Variants in HPS4 observed in about 807,000 individuals in gnomAD.
The protein encoded by HPS4 is HPS4 biogenesis of lysosomal organelles complex 3 subunit 2, also known as BLOC-3 complex member HPS4.
A neutral mutation model predicts 70.3 loss-of-function variants in HPS4; 44 were observed. That is an observed-to-expected ratio of 0.63 (90% confidence interval 0.49 to 0.80). HPS4 has a LOEUF of 0.80. Ranked by LOEUF, HPS4 falls within the 30% of genes least tolerant of loss-of-function variation. HPS4 has a pLI of 0.00. For synonymous variants in HPS4, 377 were observed against 355.9 expected, an observed-to-expected ratio of 1.06 and a Z score of -0.67; for missense variants, 873 against 884.4, an observed-to-expected ratio of 0.99 and a Z score of 0.16.
rs1254055271 is a variant in HPS4, at chr22:26,477,276, T to C, written c.133-140A>G. On this transcript the variant is annotated intron_variant, in intron 3 of 13. Transcript: ENST00000398145. ...TGGCCTGTAAGCTAAGAATGGTTCT[T>C]ATACTTTTTAAAGGTTACAACAAAG... The C allele has an allele frequency of 6.3e-5, 53 of 839,368 alleles. 1 individual carries two copies. The highest frequency in any genetic ancestry group is 2.2e-4 in the Middle Eastern group (1 of 4,512). The allele number at this position is 839,368 out of a possible 1,614,324, so 52.0% of individuals were successfully genotyped here.
Position 26,468,624 on chromosome 22 carries a change from C to T in HPS4, c.597-1G>A. ...GGGCGGGAGTTGGGTGCTGACAATC[C>T]TAGGAGGTCACACACAGAACAAGAA... On this transcript the variant is annotated splice_acceptor_variant, in intron 7 of 13. Coordinates refer to ENST00000398145, the MANE Select transcript of HPS4 (RefSeq NM_022081.6). LOFTEE classifies it high-confidence loss of function. 6.2e-7 allele frequency: 1 copy of T among 1,613,642 alleles called. No homozygotes were observed. Among genetic ancestry groups the T allele is most frequent in the Non-Finnish European group, 8.5e-7 (1 of 1,179,722 alleles).
chr22:26,449,796 T>C, downstream of HPS4, among the ~76,000 whole-genome samples: 1 of 152,198 alleles, frequency 6.6e-6, no homozygotes, highest in East Asian at 1.9e-4. Context: ...ATTTGTTTCC[T>C]CTGGCTGCTG....
intron 8 of HPS4, 54 bp downstream of exon 8, chr22:26,468,497 G>T: frequency 6.7e-7 from 1 of 1,493,374 alleles, no homozygotes; most frequent in Non-Finnish European, 9.3e-7. Context: ...CTCAGGCTCA[G>T]TGACCAGTGC....
chr22:26,459,879 G>A (rs940246461), intron 11 of HPS4, among the ~76,000 whole-genome samples: 1 of 152,166 alleles, frequency 6.6e-6, no homozygotes, highest in Non-Finnish European at 1.5e-5. Context: ...AAAAGAAATG[G>A]TGTCTCTTTA....
chr22:26,457,210 C>CTTT (rs1555889771), intron 13 of HPS4, among the ~76,000 whole-genome samples: 2 of 25,552 alleles, frequency 7.8e-5, no homozygotes, highest in Non-Finnish European at 1.3e-4. Context: ...GCACGTATTA[C>CTTT]TTTTTTTTTT....
intron 4 of HPS4, among the ~76,000 whole-genome samples, chr22:26,473,411 C>T (rs1025807363): frequency 3.9e-5 from 6 of 152,206 alleles, no homozygotes; most frequent in African/African-American, 1.4e-4. Context: ...AGAGCAAGAA[C>T]TGACCGCAAT....
intron 11 of HPS4, among the ~76,000 whole-genome samples, chr22:26,462,482 G>T (rs925176446): frequency 2.6e-5 from 4 of 152,220 alleles, no homozygotes; most frequent in African/African-American, 7.2e-5. Flanking sequence ...TGGTAAAATG[G>T]GAGTTACAAT....
chr22:26,471,601 T>A (rs2089816572), intron 6 of HPS4, among the ~76,000 whole-genome samples: 1 of 152,182 alleles, frequency 6.6e-6, no homozygotes, highest in South Asian at 2.1e-4. Flanking sequence ...TCTATAAAGC[T>A]CTGGGGCCAG....
chr22:26,451,997 CGCGCG>C lies in HPS4; in HGVS notation c.*1231_*1235del, dbSNP rs2085281258. ...GATGCGCCCACGTTACGCGCGCGCG[CGCGCG>C]CGCACACACACACACACACACACAC... On this transcript the variant is annotated 3_prime_UTR_variant, in exon 14 of 14. Coordinates refer to ENST00000398145, the MANE Select transcript of HPS4 (RefSeq NM_022081.6). 3.2e-5 allele frequency: 1 copy of C among 31,170 alleles called. No homozygotes were observed. Among genetic ancestry groups the C allele is most frequent in the Non-Finnish European group, 6.5e-5 (1 of 15,306 alleles). 1.9% of individuals were successfully genotyped at this position (31,170 alleles called of 1,614,324 possible). A position where few individuals can be genotyped will look rare whatever the true frequency, so the allele number is the denominator to read the frequency against.
At chr22:26,458,811 ACT>A (rs1452352005) in intron 11 of HPS4, among the ~76,000 whole-genome samples, 1 of 147,400 alleles carries the variant, frequency 6.8e-6, no homozygotes, top group Non-Finnish European at 1.5e-5. Context: ...ATAGAGTGAG[ACT>A]CTGTCTCGAA....
At chr22:26,450,864 G>A (rs2085131227), downstream of HPS4, among the ~76,000 whole-genome samples, 1 of 152,224 alleles carries the variant, frequency 6.6e-6, no homozygotes, top group African/African-American at 2.4e-5. Context: ...CTGCAGAACT[G>A]TGAGTCAGTT....
chr22:26,474,515 A>T lies in HPS4; in HGVS notation c.277-1576T>A, dbSNP rs539865371. 2.2e-3 allele frequency among the ~76,000 whole-genome samples: 331 copies of T among 152,330 alleles called. 1 individual carries two copies. The highest frequency in any genetic ancestry group is 7.2e-3 in the African/African-American group (300 of 41,596). On this transcript the variant is annotated intron_variant, in intron 4 of 13. Coordinates refer to ENST00000398145, the MANE Select transcript of HPS4 (RefSeq NM_022081.6). ...ATAAAAAAGGGAGACTATCTCCTCC[A>T]ATGGAGTAGGCAGTGGTTTTTTTCA...
At chr22:26,449,295 T>G (rs1171888862), downstream of HPS4, among the ~76,000 whole-genome samples, 1 of 150,172 alleles carries the variant, frequency 6.7e-6, no homozygotes, top group Non-Finnish European at 1.5e-5. Flanking sequence ...ACCTTCCTCA[T>G]GAGAACCAGC....
intron 3 of HPS4, among the ~76,000 whole-genome samples, chr22:26,445,458 A>C (rs1242685329): frequency 1.3e-5 from 2 of 152,234 alleles, no homozygotes; most frequent in Non-Finnish European, 2.9e-5. Context: ...AAAATGTCCC[A>C]AAGCAATGGG....
Position 26,453,097 on chromosome 22 carries a change from CA to C in HPS4, c.*135del. 1 of 1,009,290 alleles carries C rather than the reference CA, an allele frequency of 9.9e-7. No individual in the cohort carries two copies. The highest frequency in any genetic ancestry group is 1.5e-6 in the Non-Finnish European group (1 of 672,648). 62.5% of individuals were successfully genotyped at this position (1,009,290 alleles called of 1,614,324 possible). On this transcript the variant is annotated 3_prime_UTR_variant, in exon 14 of 14. Transcript: ENST00000398145. ...ACATCCCAATCTGCAAAAGGAATAA[CA>C]AAAACTCAAATATCATTTGGTTCCT...
At chr22:26,459,520 G>A (rs1448640145) in intron 11 of HPS4, among the ~76,000 whole-genome samples, 1 of 152,096 alleles carries the variant, frequency 6.6e-6, no homozygotes, top group African/African-American at 2.4e-5. Flanking sequence ...TGTTCCTCAA[G>A]CTCCACTGAG....
intron 6 of HPS4, chr22:26,471,234 G>A: frequency 2.5e-6 from 1 of 399,070 alleles, no homozygotes; most frequent in Non-Finnish European, 4.9e-6. Flanking sequence ...CTTTCCTTCT[G>A]AAGCACAATC....
In HPS4 at chr22:26,464,685, G is replaced by C. The variant is rs146884025; in HGVS notation, c.945C>G (p.Asp315Glu). Residue 315 changes from aspartate to glutamate, a missense_variant, in exon 11 of 14, where the codon GAC becomes GAG. Transcript: ENST00000398145. Reference protein sequence around the residue: ...AWTTPDPTSPDEACPDGRKEN... With the variant: ...AWTTPDPTSPEEACPDGRKEN... ...CCTTCCTGCCATCTGGACAAGCTTCGTCAGGGGATGTGGGATCTGGGGTGG... is the reference window on the plus strand; with the variant it reads ...CCTTCCTGCCATCTGGACAAGCTTCCTCAGGGGATGTGGGATCTGGGGTGG... 6.9e-5 allele frequency: 111 copies of C among 1,609,624 alleles called. No individual in the cohort carries two copies. Among genetic ancestry groups the C allele is most frequent in the Non-Finnish European group, 9.3e-5 (109 of 1,176,638 alleles).
intron 2 of HPS4, 26 bp from the exon 3 acceptor site, chr22:26,479,381 T>C (rs773637385): frequency 3.1e-6 from 5 of 1,612,556 alleles, no homozygotes; most frequent in Admixed American, 1.7e-5. Context: ...AGTGGAGCCA[T>C]GTTTCCTTTA....
Sources: gnomAD v4.1 joint callset for allele counts (sites outside exome capture counted in the v4.1 genomes callset) on GRCh38, gnomAD v4.1.1 for gene constraint, MANE v1.5 for transcripts, NCBI Gene and HGNC (gene_info 2026-07-23, HGNC 2026-07-21) for gene names.